SNIP1: variants seen among roughly 807,000 people sequenced by gnomAD.
SNIP1 encodes Smad nuclear interacting protein 1, also known as smad nuclear-interacting protein 1.
A neutral mutation model predicts 37.4 loss-of-function variants in SNIP1; 23 were observed. That is an observed-to-expected ratio of 0.61 (90% CI 0.44 to 0.87). The LOEUF (loss-of-function observed/expected upper bound fraction) is 0.87. SNIP1 is among the 40% of genes least tolerant of loss of function. The probability of loss-of-function intolerance (pLI) is 0.00; values close to 1 mark genes in which losing one functional copy is unlikely to be tolerated. For missense variants in SNIP1, 459 were observed against 540.4 expected (o/e 0.85, Z 1.49); for synonymous variants, 174 against 200.0 (o/e 0.87, Z 1.10).
rs1457066555 is a variant in SNIP1, at chr1:37,535,802, T to C, written c.*1946A>G. ...ACAGTGGCCAATGTAGAACACATTC[T>C]TCAACTTACCTTTTTTTTTTTTTTC... On this transcript the variant is annotated 3_prime_UTR_variant, in exon 4 of 4. Coordinates refer to ENST00000296215, the MANE Select transcript of SNIP1 (RefSeq NM_024700.4). 2 of 151,882 alleles carry C rather than the reference T, an allele frequency of 1.3e-5. No homozygotes were observed. Among genetic ancestry groups the C allele is most frequent in the East Asian group, 3.9e-4 (2 of 5,194 alleles). 9.4% of individuals were successfully genotyped at this position (151,882 alleles called of 1,614,324 possible).
chr1:37,553,999 C>T lies in SNIP1; in HGVS notation c.224+7G>A. 12 of 1,556,574 alleles carry T rather than the reference C, an allele frequency of 7.7e-6. No homozygotes were observed. Among genetic ancestry groups the T allele is most frequent in the South Asian group, 1.2e-5 (1 of 85,136 alleles). On this transcript the variant is annotated splice_region_variant and intron_variant, in intron 1 of 3. Coordinates refer to ENST00000296215, the MANE Select transcript of SNIP1 (RefSeq NM_024700.4). ...CAATGTCCATCCTGGACTGCTCCCC[C>T]ACTTACCGGCTAACTCCTCGGGCTC...
At chr1:37,553,798 G>T (rs1200790570) in intron 1 of SNIP1, among the ~76,000 whole-genome samples, 1 of 152,172 alleles carries the variant, frequency 6.6e-6, no homozygotes, top group Non-Finnish European at 1.5e-5. Context: ...GGATCCTGCC[G>T]GTTAGTCATT....
chr1:37,553,353 C>T (rs540212943), intron 1 of SNIP1, among the ~76,000 whole-genome samples: 1 of 152,358 alleles, frequency 6.6e-6, no homozygotes, highest in African/African-American at 2.4e-5. Context: ...CAATCTCTCA[C>T]TATCACATTA....
rs1044777325 is a variant in SNIP1, at chr1:37,540,412, G to C, written c.671C>G (p.Pro224Arg). ...AAGTGCCCCAGAAAGTTCAAAGCTT[G>C]GTTTTTCTTTAGCGGGCACCTCTTT... ...KEKEVPAKEK[P>R]SFELSGALLE... Residue 224 changes from proline (P) to arginine (R), a missense_variant, in exon 3 of 4, where the codon CCA becomes CGA. Transcript: ENST00000296215. This position sits in a 1 kb window ranked among gnomAD's most constrained non-coding sequence, Gnocchi z 5.6. 7 of 1,613,990 alleles carry C rather than the reference G, an allele frequency of 4.3e-6. No homozygotes were observed. In the African/African-American group the frequency reaches 9.3e-5, roughly 22 times the overall value.
Position 37,552,763 on chromosome 1 carries a change from T to C in SNIP1, c.225-16A>G, listed in dbSNP as rs758177996. On this transcript the variant is annotated splice_polypyrimidine_tract_variant and intron_variant, in intron 1 of 3. Coordinates refer to ENST00000296215, the MANE Select transcript of SNIP1 (RefSeq NM_024700.4). ...GGGTGGGGACCTATTCAGAGCATGG[T>C]ACACAGGATTTTATCGCAATTTCCC... The C allele has an allele frequency of 6.2e-7, 1 of 1,604,188 alleles. No homozygotes were observed. Among genetic ancestry groups the C allele is most frequent in the Non-Finnish European group, 8.5e-7 (1 of 1,171,160 alleles).
chr1:37,546,265 T>A (rs1195777361), intron 2 of SNIP1, among the ~76,000 whole-genome samples: 1 of 151,152 alleles, frequency 6.6e-6, no homozygotes, highest in Non-Finnish European at 1.5e-5. Context: ...AGAGAGAGCC[T>A]CAGACAACCA....
At chr1:37,539,583 G>A (rs941169133) in intron 3 of SNIP1, among the ~76,000 whole-genome samples, 3 of 152,210 alleles carry the variant, frequency 2.0e-5, no homozygotes, top group Admixed American at 2.0e-4. Flanking sequence ...GCTGGTGTGT[G>A]CCTGTACTCT....
At chr1:37,543,935 G>T (rs1047447838) in intron 2 of SNIP1, among the ~76,000 whole-genome samples, 2 of 151,654 alleles carry the variant, frequency 1.3e-5, no homozygotes, top group African/African-American at 4.8e-5. Flanking sequence ...CTTGAGGTCG[G>T]TCAGGAGTTC....
rs1643311753 is a variant in SNIP1, at chr1:37,552,503, G to A, written c.327+142C>T. The A allele has an allele frequency of 6.2e-6, 4 of 649,276 alleles. No homozygotes were observed. The East Asian group carries it at 8.1e-5, about 13-fold the overall frequency. 40.2% of individuals were successfully genotyped at this position (649,276 alleles called of 1,614,324 possible). On this transcript the variant is annotated intron_variant, in intron 2 of 3. Coordinates refer to ENST00000296215, the MANE Select transcript of SNIP1 (RefSeq NM_024700.4). ...ATAAATACAGCCAGTTTTCAGAAAA[G>A]CCCATCGGAGGTACAAGTAGAGATG...
rs372352242 is a variant in SNIP1, at chr1:37,547,168, A to C, written c.327+5477T>G. Reference sequence around the variant, plus strand: ...AAGAGGGTCACTGCAGATGTAATAAATTAAGGTCATACTGAAGTAATATAG... The same window carrying C: ...AAGAGGGTCACTGCAGATGTAATAACTTAAGGTCATACTGAAGTAATATAG... On this transcript the variant is annotated intron_variant, in intron 2 of 3. Coordinates refer to ENST00000296215, the MANE Select transcript of SNIP1 (RefSeq NM_024700.4). Among the ~76,000 whole-genome samples, 25 of 152,308 alleles carry C rather than the reference A, an allele frequency of 1.6e-4. No homozygotes were observed. In the South Asian group the frequency reaches 5.2e-3, roughly 32 times the overall value.
rs114632622 is a variant in SNIP1, at chr1:37,546,204, G to C, written c.328-5449C>G. Among the ~76,000 whole-genome samples the C allele has an allele frequency of 9.6e-3, 1,431 of 148,822 alleles. 12 individuals carry two copies. The highest frequency in any genetic ancestry group is 0.029 in the South Asian group (133 of 4,578). ...GCTCAAGTGAGGGGCTGCTTGCTTA[G>C]AGTGGGACTCAGTTTTTCTAGACTT... On this transcript the variant is annotated intron_variant, in intron 2 of 3. Transcript: ENST00000296215.
chr1:37,540,429 C>A lies in SNIP1; in HGVS notation c.654G>T (p.Val218=), dbSNP rs778768773. The change falls in exon 3 of 4, where the codon GTG becomes GTT. Residue 218 remains valine, a synonymous_variant. Coordinates refer to ENST00000296215, the MANE Select transcript of SNIP1 (RefSeq NM_024700.4). This position sits in a 1 kb window ranked among gnomAD's most constrained non-coding sequence, Gnocchi z 5.6. Reference sequence around the variant, plus strand: ...CAAAGCTTGGTTTTTCTTTAGCGGGCACCTCTTTTTCTTTGTTGTTGCCAC... The same window carrying A: ...CAAAGCTTGGTTTTTCTTTAGCGGGAACCTCTTTTTCTTTGTTGTTGCCAC... The part of the protein sequence containing the change: ...RPGGNNKEKE[V]PAKEKPSFEL... The A allele has an allele frequency of 6.2e-7, 1 of 1,614,078 alleles. No individual in the cohort carries two copies. Among genetic ancestry groups the A allele is most frequent in the South Asian group, 1.1e-5 (1 of 91,082 alleles).
At chr1:37,538,652 A>C (rs555674316) in intron 3 of SNIP1, among the ~76,000 whole-genome samples, 1 of 152,122 alleles carries the variant, frequency 6.6e-6, no homozygotes, top group Non-Finnish European at 1.5e-5. Context: ...TATAATCAAC[A>C]TAATGTTTCT....
At chr1:37,541,079 C>T in intron 2 of SNIP1, 1 of 224,094 alleles carries the variant, frequency 4.5e-6, no homozygotes. Context: ...TAACTATGGG[C>T]AAACTTACAG....
chr1:37,552,632 C>T lies in SNIP1; in HGVS notation c.327+13G>A. 1 of 1,610,346 alleles carries T rather than the reference C, an allele frequency of 6.2e-7. No individual in the cohort carries two copies. Among genetic ancestry groups the T allele is most frequent in the Non-Finnish European group, 8.5e-7 (1 of 1,176,582 alleles). On this transcript the variant is annotated intron_variant, in intron 2 of 3. Coordinates refer to ENST00000296215, the MANE Select transcript of SNIP1 (RefSeq NM_024700.4). Reference sequence around the variant, plus strand: ...CTCAATTTGGACCCATCAAAACACCCCAATCCACTTACCTGCTTCACTTTG... The same window carrying T: ...CTCAATTTGGACCCATCAAAACACCTCAATCCACTTACCTGCTTCACTTTG...
intron 2 of SNIP1, among the ~76,000 whole-genome samples, chr1:37,545,729 G>A (rs954817887): frequency 6.6e-6 from 1 of 151,896 alleles, no homozygotes; most frequent in Non-Finnish European, 1.5e-5. Context: ...AGGCCGAGGC[G>A]GGTGGATCAC....
At chr1:37,539,255 C>T (rs1223287774) in intron 3 of SNIP1, among the ~76,000 whole-genome samples, 2 of 152,190 alleles carry the variant, frequency 1.3e-5, no homozygotes, top group Non-Finnish European at 2.9e-5. Context: ...AACTGTCTTC[C>T]ATGAAACTGG....
rs1643167779 is a variant in SNIP1 at position 37,540,941 on chromosome 1, T to C, written c.328-186A>G. ...ATGTTCCCTCGCAAGGCCACAAAGA[T>C]GATATCCCATGCTGCTATTCAACTA... On this transcript the variant is annotated intron_variant, in intron 2 of 3. Coordinates refer to ENST00000296215, the MANE Select transcript of SNIP1 (RefSeq NM_024700.4). The surrounding 1 kb of genome is among the most constrained non-coding windows in gnomAD (Gnocchi z 5.6). 3 of 570,362 alleles carry C rather than the reference T, an allele frequency of 5.3e-6. No individual in the cohort carries two copies. Among genetic ancestry groups the C allele is most frequent in the Non-Finnish European group, 9.2e-6 (3 of 327,084 alleles). The allele number at this position is 570,362 out of a possible 1,614,324, so 35.3% of individuals were successfully genotyped here. A position where few individuals can be genotyped will look rare whatever the true frequency, so the allele number is the denominator to read the frequency against.
At chr1:37,548,134 C>T (rs1366336665) in intron 2 of SNIP1, among the ~76,000 whole-genome samples, 5 of 118,052 alleles carry the variant, frequency 4.2e-5, no homozygotes, top group Admixed American at 1.2e-4. Context: ...GCCTGGGCAA[C>T]GCAGCGAGAC....
Sources: gnomAD v4.1 joint callset for allele counts (sites outside exome capture counted in the v4.1 genomes callset) on GRCh38, gnomAD v4.1.1 for gene constraint, Gnocchi (gnomAD v3.1) non-coding constraint, MANE v1.5 for transcripts, NCBI Gene and HGNC (gene_info 2026-07-23, HGNC 2026-07-21) for gene names.